The following ZFAND5 variants were observed in gnomAD, a reference collection of about 807,000 sequenced individuals.
The protein encoded by ZFAND5 is AN1-type zinc finger protein 5.
A neutral mutation model predicts 23.6 loss-of-function variants in ZFAND5; 4 were observed. That is an observed-to-expected ratio of 0.17 (90% CI 0.08 to 0.39). ZFAND5 has a LOEUF of 0.39. ZFAND5 is among the 10% of genes least tolerant of loss of function. The pLI is 1.00. For synonymous variants in ZFAND5, 68 were observed against 80.6 expected, an observed-to-expected ratio of 0.84 and a Z score of 0.84; for missense variants, 161 against 253.7, an observed-to-expected ratio of 0.63 and a Z score of 2.48.
In ZFAND5 at chr9:72,353,061, T is replaced by G. The variant is rs1380901637; in HGVS notation, c.*2892A>C. 1.3e-5 allele frequency: 2 copies of G among 152,216 alleles called. No homozygotes were observed. The highest frequency in any genetic ancestry group is 2.9e-5 in the Non-Finnish European group (2 of 68,036). The allele number at this position is 152,216 out of a possible 1,614,324, so 9.4% of individuals were successfully genotyped here. The stretch of plus-strand genomic sequence containing the variant: ...AGATCAGGCACACTGAAGATGAGGT[T>G]TTCAAAAAGGACTCACCCATTTATA... On this transcript the variant is annotated 3_prime_UTR_variant, in exon 7 of 7. Transcript: ENST00000376962.
chr9:72,363,375 C>G (rs1357640540), intron 2 of ZFAND5, 95 bp downstream of exon 2: 1 of 152,628 alleles, frequency 6.6e-6, no homozygotes, highest in African/African-American at 2.4e-5. Flanking sequence ...GAACAATTCT[C>G]CAATTCCAAT....
intron 6 of ZFAND5, among the ~76,000 whole-genome samples, chr9:72,356,452 G>A (rs543796033): frequency 4.9e-4 from 74 of 152,254 alleles, no homozygotes; most frequent in African/African-American, 1.7e-3. Context: ...TCCCTCTATC[G>A]ACTCCTGTAG....
chr9:72,361,592 A>C (rs1432865573), intron 2 of ZFAND5, among the ~76,000 whole-genome samples: 2 of 152,202 alleles, frequency 1.3e-5, no homozygotes, highest in East Asian at 3.8e-4. Context: ...CTCAAATTCA[A>C]TGTATTAAAG....
At chr9:72,358,113 CTGAT>C (rs1841995643) in intron 5 of ZFAND5, among the ~76,000 whole-genome samples, 1 of 152,090 alleles carries the variant, frequency 6.6e-6, no homozygotes, top group South Asian at 2.1e-4. Context: ...CTACAACAAG[CTGAT>C]TGATTTAATG....
chr9:72,363,576 G>T lies in ZFAND5; in HGVS notation c.-116C>A, dbSNP rs1842163866. Reference sequence around the variant, plus strand: ...AGTTCCCTCTTTGCCAAATGGAGTAGAATTGACTTTTAAAGGCTCCTTTTC... The same window carrying T: ...AGTTCCCTCTTTGCCAAATGGAGTATAATTGACTTTTAAAGGCTCCTTTTC... On this transcript the variant is annotated 5_prime_UTR_variant, in exon 2 of 7. Coordinates refer to ENST00000376962, the MANE Select transcript of ZFAND5 (RefSeq NM_001102420.3). 4 of 952,508 alleles carry T rather than the reference G, an allele frequency of 4.2e-6. No individual in the cohort carries two copies. Among genetic ancestry groups the T allele is most frequent in the South Asian group, 9.7e-5 (2 of 20,544 alleles). The allele number at this position is 952,508 out of a possible 1,614,324, so 59.0% of individuals were successfully genotyped here. A position where few individuals can be genotyped will look rare whatever the true frequency, so the allele number is the denominator to read the frequency against.
chr9:72,356,948 T>C lies in ZFAND5; in HGVS notation c.476A>G (p.Lys159Arg), dbSNP rs374551682. 3.3e-5 allele frequency: 53 copies of C among 1,612,558 alleles called. No homozygotes were observed. Among genetic ancestry groups the C allele is most frequent in the Non-Finnish European group, 4.2e-5 (49 of 1,179,718 alleles). Reference sequence around the variant, plus strand: ...TGTAATACCTGTAAGACCAACTTTCTTTCTGCACATGAAACATCTGTTTTT... The same window carrying C: ...TGTAATACCTGTAAGACCAACTTTCCTTCTGCACATGAAACATCTGTTTTT... ...PKKNRCFMCRKKVGLTGFDCR... is the reference protein window; with the variant it reads ...PKKNRCFMCRRKVGLTGFDCR... The change falls in exon 6 of 7, where the codon AAG becomes AGG. Residue 159 changes from lysine (K) to arginine (R), a missense_variant. Lys to Arg is a conservative substitution (Grantham distance 26). Around this residue, in one of 3 missense-constraint regions of ZFAND5, gnomAD observed 24 missense variants for 80.0 expected, o/e 0.30. Coordinates refer to ENST00000376962, the MANE Select transcript of ZFAND5 (RefSeq NM_001102420.3).
In ZFAND5 at chr9:72,354,963, A is replaced by G. The variant is rs1209942800; in HGVS notation, c.*990T>C. On this transcript the variant is annotated 3_prime_UTR_variant, in exon 7 of 7. Transcript: ENST00000376962. ...CTGCAAGTGGTGCTGGATACCACTA[A>G]GAAGTCTACTGCAGCCATGTTGGTT... The G allele has an allele frequency of 6.6e-6, 1 of 152,636 alleles. No homozygotes were observed. The highest frequency in any genetic ancestry group is 1.5e-5 in the Non-Finnish European group (1 of 68,038). 9.5% of individuals were successfully genotyped at this position (152,636 alleles called of 1,614,324 possible). A position where few individuals can be genotyped will look rare whatever the true frequency, so the allele number is the denominator to read the frequency against.
chr9:72,362,349 T>A (rs536465762), intron 2 of ZFAND5, among the ~76,000 whole-genome samples: 2 of 152,354 alleles, frequency 1.3e-5, no homozygotes, highest in African/African-American at 4.8e-5. Context: ...TGTATTTGCA[T>A]GCCCACCACG....
At chr9:72,359,386 A>G in intron 5 of ZFAND5, 32 bp downstream of exon 5, 1 of 1,603,488 alleles carries the variant, frequency 6.2e-7, no homozygotes, top group Non-Finnish European at 8.5e-7. Flanking sequence ...TATCAAATTC[A>G]GAACTGAACA....
chr9:72,353,456 A>C lies in ZFAND5; in HGVS notation c.*2497T>G, dbSNP rs1388452485. ...TTTGGGAGGCCGAGGCGGGCAGCTC[A>C]CCTGAGGTCAGGAGTTCAAGACCAG... On this transcript the variant is annotated 3_prime_UTR_variant, in exon 7 of 7. Coordinates refer to ENST00000376962, the MANE Select transcript of ZFAND5 (RefSeq NM_001102420.3). 6.6e-6 allele frequency: 1 copy of C among 152,242 alleles called. No individual in the cohort carries two copies. The highest frequency in any genetic ancestry group is 1.5e-5 in the Non-Finnish European group (1 of 68,098). The allele number at this position is 152,242 out of a possible 1,614,324, so 9.4% of individuals were successfully genotyped here. A position where few individuals can be genotyped will look rare whatever the true frequency, so the allele number is the denominator to read the frequency against.
rs1398692780 is a variant in ZFAND5 at position 72,363,615 on chromosome 9, T to G, written c.-146-9A>C. On this transcript the variant is annotated splice_polypyrimidine_tract_variant and intron_variant, in intron 1 of 6. Transcript: ENST00000376962. ...AGGCTCCTTTTCAGGGCCTGGGAGA[T>G]AGAAAACAGGAGACAACTACAAAGA... The G allele has an allele frequency of 1.0e-6, 1 of 982,828 alleles. No homozygotes were observed. The highest frequency in any genetic ancestry group is 1.2e-6 in the Non-Finnish European group (1 of 827,692). The allele number at this position is 982,828 out of a possible 1,614,324, so 60.9% of individuals were successfully genotyped here.
chr9:72,360,911 A>G (rs1164109096), intron 2 of ZFAND5, 124 bp from the exon 3 acceptor site: 1 of 838,974 alleles, frequency 1.2e-6, no homozygotes, highest in South Asian at 3.0e-5. Context: ...GTTAATCATT[A>G]AAAAGGGTGG....
chr9:72,363,949 A>T (rs1252319329), intron 1 of ZFAND5: 2 of 152,586 alleles, frequency 1.3e-5, no homozygotes, highest in African/African-American at 2.4e-5. Flanking sequence ...AGTGCGTGGA[A>T]AGCGAGCAAA....
At chr9:72,364,527 T>C in intron 1 of ZFAND5, 169 bp downstream of exon 1, 1 of 1,279,060 alleles carries the variant, frequency 7.8e-7, no homozygotes, top group Non-Finnish European at 1.0e-6. Context: ...GGATGACGCC[T>C]CCGTCTTTGT....
chr9:72,364,643 C>T (rs1305183457), intron 1 of ZFAND5, 53 bp downstream of exon 1: 11 of 1,161,800 alleles, frequency 9.5e-6, no homozygotes, highest in Non-Finnish European at 1.2e-5. Context: ...CACTCCCGCC[C>T]CCGGCCCGGC....
chr9:72,363,720 T>C, intron 1 of ZFAND5, 114 bp from the exon 2 acceptor site: 1 of 854,156 alleles, frequency 1.2e-6, no homozygotes, highest in Non-Finnish European at 1.4e-6. Context: ...TTTCACCAAC[T>C]GAGTTCTGAA....
rs1387001580 is a variant in ZFAND5 at position 72,364,339 on chromosome 9, G to T, written c.-147+357C>A. ...GGGGGGGCTGCAACGGGCAGGGGGC[G>T]CGGCCGCCGCCTCGGCCTCTTTGTT... On this transcript the variant is annotated intron_variant, in intron 1 of 6. Coordinates refer to ENST00000376962, the MANE Select transcript of ZFAND5 (RefSeq NM_001102420.3). The T allele has an allele frequency of 2.8e-6, 3 of 1,090,330 alleles. No homozygotes were observed. In the East Asian group the frequency reaches 3.1e-4, roughly 113 times the overall value. 67.5% of individuals were successfully genotyped at this position (1,090,330 alleles called of 1,614,324 possible).
intron 2 of ZFAND5, among the ~76,000 whole-genome samples, chr9:72,363,092 T>C (rs1318188542): frequency 6.6e-6 from 1 of 152,204 alleles, no homozygotes; most frequent in Admixed American, 6.5e-5. Context: ...TGGTCAAGGT[T>C]GTTGATAAAA....
rs148734740 is a variant in ZFAND5 at position 72,363,067 on chromosome 9, T to C, written c.-10+403A>G. On this transcript the variant is annotated intron_variant, in intron 2 of 6. Transcript: ENST00000376962. ...AATCTCAATCTAGAAGATGAAAGCA[T>C]AGTCAAAGCTAAAATGGTCAAGGTT... is the stretch of plus-strand genomic sequence containing the variant. Among the ~76,000 whole-genome samples, 8 of 152,272 alleles carry C rather than the reference T, an allele frequency of 5.3e-5. No individual in the cohort carries two copies. In the East Asian group the frequency reaches 9.6e-4, roughly 18 times the overall value.
Sources: gnomAD v4.1 joint callset for allele counts (sites outside exome capture counted in the v4.1 genomes callset) on GRCh38, gnomAD v4.1.1 for gene constraint, gnomAD v4.1.1 regional missense constraint, MANE v1.5 for transcripts, NCBI Gene and HGNC (gene_info 2026-07-23, HGNC 2026-07-21) for gene names.